The following GPRC5C variants were observed in gnomAD, a reference collection of about 807,000 sequenced individuals.
The protein encoded by GPRC5C is G protein-coupled receptor class C group 5 member C.
Under a neutral mutation model 31.4 loss-of-function variants are expected in GPRC5C, and 22 were observed. The ratio of observed to expected loss-of-function variants is 0.70; its 90% confidence interval spans 0.50 to 1.00. The LOEUF (loss-of-function observed/expected upper bound fraction) is 1.00, where lower values mean the gene tolerates loss of function less well. Ranked by LOEUF, GPRC5C falls within the 50% of genes least tolerant of loss-of-function variation. The probability of loss-of-function intolerance (pLI) is 0.00; values close to 1 mark genes in which losing one functional copy is unlikely to be tolerated. For missense variants in GPRC5C, 557 were observed against 597.2 expected (o/e 0.93, Z 0.70); for synonymous variants, 249 against 257.5 (o/e 0.97, Z 0.32).
chr17:74,432,210 C>T, intron 1 of GPRC5C, 69 bp downstream of exon 1: 1 of 1,559,580 alleles, frequency 6.4e-7, no homozygotes, highest in South Asian at 1.2e-5. Flanking sequence ...ACCTGGAGCG[C>T]GGCGGGCGCC....
rs1028005720 is a variant in GPRC5C at position 74,447,354 on chromosome 17, C to T, written c.*326C>T. 2 of 1,078,722 alleles carry T rather than the reference C, an allele frequency of 1.9e-6. No individual in the cohort carries two copies. The highest frequency in any genetic ancestry group is 2.3e-6 in the Non-Finnish European group (2 of 888,466). 66.8% of individuals were successfully genotyped at this position (1,078,722 alleles called of 1,614,324 possible). On this transcript the variant is annotated 3_prime_UTR_variant, in exon 4 of 4. Transcript: ENST00000392627. ...AGATTCCTGCAACCTCAAGAGACTT[C>T]CCAGGCGCTCAGGCCTGGATCTTGC...
Position 74,439,962 on chromosome 17 carries a change from C to T in GPRC5C, c.186C>T (p.Val62=). 3 of 1,610,614 alleles carry T rather than the reference C, an allele frequency of 1.9e-6. No homozygotes were observed. Among genetic ancestry groups the T allele is most frequent in the Non-Finnish European group, 2.5e-6 (3 of 1,180,008 alleles). ...AGGCCGTGGCTGGGGCGGGCATTGTCACCACGTTTGTGCTCACCATCATCC... is the reference window on the plus strand; with the variant it reads ...AGGCCGTGGCTGGGGCGGGCATTGTTACCACGTTTGTGCTCACCATCATCC... The part of the protein sequence containing the change: ...VLEAVAGAGI[V]TTFVLTIILV... The change falls in exon 2 of 4, where the codon GTC becomes GTT. Residue 62 remains valine (V), a synonymous_variant. Coordinates refer to ENST00000392627, the MANE Select transcript of GPRC5C (RefSeq NM_022036.4).
intron 1 of GPRC5C, chr17:74,433,642 A>G (rs1301918191): frequency 9.7e-6 from 13 of 1,339,772 alleles, no homozygotes; most frequent in Admixed American, 1.7e-5. Flanking sequence ...GTCTTTCCCT[A>G]TAGGCTCTTG....
chr17:74,450,422 G>A (rs1201457151), downstream of GPRC5C: 1 of 152,302 alleles, frequency 6.6e-6, no homozygotes, highest in Non-Finnish European at 1.5e-5. Flanking sequence ...AGATGAACTG[G>A]AGTCTAGGCC....
At chr17:74,446,553 CCCTAAACAATTGGA>C (rs2055638398) in intron 3 of GPRC5C, 1 of 342,586 alleles carries the variant, frequency 2.9e-6, no homozygotes, top group East Asian at 5.0e-5. Context: ...CCTAGCATTT[CCCTAAACAATTGGA>C]AGTAGGAGGG....
In GPRC5C at chr17:74,440,480, A is replaced by G. The variant is rs752223955; in HGVS notation, c.704A>G (p.Tyr235Cys). ...LGAWPALCGR[Y>C]KRWRKHGVFV... ...GCCTGGCCCGCCCTGTGTGGCCGCT[A>G]CAAGCGCTGGCGTAAGCATGGGGTC... The change falls in exon 2 of 4, where the codon TAC becomes TGC. Residue 235 changes from tyrosine (Y) to cysteine (C), a missense_variant. Physicochemically the swap from Tyr to Cys is radical, Grantham distance 194. Coordinates refer to ENST00000392627, the MANE Select transcript of GPRC5C (RefSeq NM_022036.4). This position sits in a 1 kb window ranked among gnomAD's most constrained non-coding sequence, Gnocchi z 4.4. 5.0e-6 allele frequency: 8 copies of G among 1,614,142 alleles called. No homozygotes were observed. In the Admixed American group the frequency reaches 1.0e-4, roughly 20 times the overall value.
Position 74,440,226 on chromosome 17 carries a change from GC to G in GPRC5C, c.454del (p.Arg152GlyfsTer4). ...ACTTCCTGGCCCGGAAGAACCACGG[GC>G]CCCGGGGCTGGGTGATCTTCACTGT... ...LNFLARKNHGPRGWVIFTVAL... is the reference protein window; with the variant it reads ...LNFLARKNHGXRGWVIFTVAL... On this transcript the variant is annotated frameshift_variant, in exon 2 of 4. Coordinates refer to ENST00000392627, the MANE Select transcript of GPRC5C (RefSeq NM_022036.4). LOFTEE classifies it high-confidence loss of function. The surrounding 1 kb of genome is among the most constrained non-coding windows in gnomAD (Gnocchi z 4.4). 1 of 1,614,182 alleles carries G rather than the reference GC, an allele frequency of 6.2e-7. No homozygotes were observed. The highest frequency in any genetic ancestry group is 8.5e-7 in the Non-Finnish European group (1 of 1,180,020).
intron 3 of GPRC5C, 119 bp from the exon 4 acceptor site, chr17:74,446,730 C>A (rs368357490): frequency 1.3e-6 from 1 of 770,686 alleles, no homozygotes; most frequent in South Asian, 1.7e-5. Context: ...GCAGAGGAGC[C>A]GAGGGGGGAG....
At chr17:74,447,458 C>T, downstream of GPRC5C, 2 of 639,876 alleles carry the variant, frequency 3.1e-6, no homozygotes, top group Non-Finnish European at 3.9e-6. Context: ...GGTTTCTGAC[C>T]TGGCCTCCTG....
downstream of GPRC5C, chr17:74,448,989 T>A (rs1157506137): frequency 4.1e-6 from 4 of 982,476 alleles, no homozygotes; most frequent in Non-Finnish European, 5.6e-6. Context: ...GGACGCTGGC[T>A]CAAGACTTTG....
intron 1 of GPRC5C, among the ~76,000 whole-genome samples, chr17:74,437,341 C>G (rs549713262): frequency 3.5e-4 from 53 of 152,236 alleles, no homozygotes; most frequent in African/African-American, 1.2e-3. Flanking sequence ...TATTTAAGTC[C>G]TGCATTAGAA....
At position 74,436,010 on chromosome 17, in the gene GPRC5C, A is replaced by T. The variant is rs1457882610; in HGVS notation, c.-32-3735A>T. Among the ~76,000 whole-genome samples the T allele has an allele frequency of 2.6e-5, 4 of 152,074 alleles. No individual in the cohort carries two copies. The South Asian group carries it at 6.2e-4, about 24-fold the overall frequency. ...CTGGAATGAATGTGCCCCCCAACAA[A>T]TCGATTGCCTGTGCATTTTTGCCAG... On this transcript the variant is annotated intron_variant, in intron 1 of 3. Coordinates refer to ENST00000392627, the MANE Select transcript of GPRC5C (RefSeq NM_022036.4).
chr17:74,449,241 C>T, downstream of GPRC5C: 1 of 597,554 alleles, frequency 1.7e-6, no homozygotes, highest in Non-Finnish European at 2.8e-6. Flanking sequence ...CATTAGCCTC[C>T]TGGGGACTGA....
At position 74,443,919 on chromosome 17, in the gene GPRC5C, G is replaced by A. The variant is rs746048156; in HGVS notation, c.1146+7G>A. ...CCTGATGCACAAAGTTCCGGTAAGT[G>A]GGTTCCCCAGGTCCCCGTGACACGT... On this transcript the variant is annotated splice_region_variant and intron_variant, in intron 3 of 3. Coordinates refer to ENST00000392627, the MANE Select transcript of GPRC5C (RefSeq NM_022036.4). 5.1e-6 allele frequency: 8 copies of A among 1,579,562 alleles called. No homozygotes were observed. Among genetic ancestry groups the A allele is most frequent in the Non-Finnish European group, 7.0e-6 (8 of 1,149,004 alleles).
chr17:74,436,652 G>A (rs774629248), intron 1 of GPRC5C, among the ~76,000 whole-genome samples: 6 of 152,148 alleles, frequency 3.9e-5, no homozygotes, highest in South Asian at 2.1e-4. Context: ...CTTCCCAGGC[G>A]CACAGTCAAT....
intron 1 of GPRC5C, among the ~76,000 whole-genome samples, chr17:74,439,544 A>G (rs998802638): frequency 6.6e-6 from 1 of 152,216 alleles, no homozygotes; most frequent in Admixed American, 6.5e-5. Context: ...GGGCTGACAA[A>G]TGGGCTTCAT....
rs1014837400 is a variant in GPRC5C, at chr17:74,440,886, G to A, written c.1051+59G>A. The A allele has an allele frequency of 5.0e-6, 7 of 1,389,522 alleles. No homozygotes were observed. The highest frequency in any genetic ancestry group is 6.6e-6 in the Non-Finnish European group (7 of 1,058,218). The allele number at this position is 1,389,522 out of a possible 1,614,324, so 86.1% of individuals were successfully genotyped here. ...TCTCCATCCCATGTCTTTTACTGCAGGACAGGGAGCCAGTCTCTTGAGCAA... is the reference window on the plus strand; with the variant it reads ...TCTCCATCCCATGTCTTTTACTGCAAGACAGGGAGCCAGTCTCTTGAGCAA... On this transcript the variant is annotated intron_variant, in intron 2 of 3. Transcript: ENST00000392627. The surrounding 1 kb of genome is among the most constrained non-coding windows in gnomAD (Gnocchi z 4.4).
rs747182665 is a variant in GPRC5C, at chr17:74,440,356, G to A, written c.580G>A (p.Ala194Thr). ...GEGGPQGNSS[A>T]GWAVASPCAI... ...GGGCGGCCCTCAGGGCAACAGCAGC[G>A]CAGGCTGGGCCGTGGCCTCCCCCTG... Residue 194 changes from alanine (A) to threonine (T), a missense_variant, in exon 2 of 4, where the codon GCA becomes ACA. Coordinates refer to ENST00000392627, the MANE Select transcript of GPRC5C (RefSeq NM_022036.4). The surrounding 1 kb of genome is among the most constrained non-coding windows in gnomAD (Gnocchi z 4.4). 71 of 1,614,010 alleles carry A rather than the reference G, an allele frequency of 4.4e-5. No individual in the cohort carries two copies. The highest frequency in any genetic ancestry group is 5.3e-5 in the Non-Finnish European group (62 of 1,180,032).
chr17:74,443,469 T>C (rs1382791485), intron 2 of GPRC5C: 3 of 420,566 alleles, frequency 7.1e-6, no homozygotes, highest in Admixed American at 6.0e-5. Context: ...CGAAGGCCCA[T>C]GTGTCCTCTT....
Sources: gnomAD v4.1 joint callset for allele counts (sites outside exome capture counted in the v4.1 genomes callset) on GRCh38, gnomAD v4.1.1 for gene constraint, Gnocchi (gnomAD v3.1) non-coding constraint, MANE v1.5 for transcripts, NCBI Gene and HGNC (gene_info 2026-07-23, HGNC 2026-07-21) for gene names.